The following TPST2 variants were observed in gnomAD, a reference collection of about 807,000 sequenced individuals.
TPST2 encodes tyrosylprotein sulfotransferase 2, also known as protein-tyrosine sulfotransferase 2.
TPST2 carries 16 observed loss-of-function variants against 27.8 expected under a neutral mutation model. That is an observed-to-expected ratio of 0.58 (90% CI 0.39 to 0.88). The LOEUF (loss-of-function observed/expected upper bound fraction) is 0.88, where lower values mean the gene tolerates loss of function less well. Ranked by LOEUF, TPST2 falls within the 40% of genes least tolerant of loss-of-function variation. The pLI, the probability that TPST2 is intolerant of heterozygous loss-of-function variation, is 0.00. For synonymous variants in TPST2, 229 were observed against 231.7 expected, an observed-to-expected ratio of 0.99 and a Z score of 0.10; for missense variants, 464 against 543.1, an observed-to-expected ratio of 0.85 and a Z score of 1.45.
intron 1 of TPST2, among the ~76,000 whole-genome samples, chr22:26,573,404 A>G (rs376360809): frequency 2.6e-5 from 4 of 152,324 alleles, no homozygotes; most frequent in East Asian, 3.9e-4. Flanking sequence ...CCGCCCCAAC[A>G]ATGCGGATTT....
intron 4 of TPST2, 130 bp downstream of exon 4, chr22:26,536,158 T>A (rs1376379205): frequency 1.6e-6 from 2 of 1,224,810 alleles, no homozygotes; most frequent in East Asian, 2.5e-5. Flanking sequence ...ACTGTGTCCA[T>A]CAGACAGGAA....
At chr22:26,575,188 C>A (rs1016239592) in intron 1 of TPST2, among the ~76,000 whole-genome samples, 2 of 152,114 alleles carry the variant, frequency 1.3e-5, no homozygotes, top group African/African-American at 2.4e-5. Flanking sequence ...ACAGCACTTC[C>A]CTGGAGGTTG....
At chr22:26,578,905 G>A (rs1179727283) in intron 1 of TPST2, among the ~76,000 whole-genome samples, 1 of 149,292 alleles carries the variant, frequency 6.7e-6, no homozygotes, top group Non-Finnish European at 1.5e-5. Flanking sequence ...AGGCTAGAGT[G>A]CAGTGGCGTG....
intron 4 of TPST2, 197 bp downstream of exon 4, chr22:26,536,091 G>T: frequency 1.3e-6 from 1 of 753,336 alleles, no homozygotes; most frequent in Non-Finnish European, 2.4e-6. Flanking sequence ...GCTACCAGTT[G>T]GCTTTGAGCT....
chr22:26,565,180 G>A (rs1927321150), intron 1 of TPST2: 1 of 152,494 alleles, frequency 6.6e-6, no homozygotes, highest in Non-Finnish European at 1.5e-5. Context: ...CAGCTGGTAA[G>A]TAGTAGAGAG....
rs773784167 is a variant in TPST2 at position 26,541,142 on chromosome 22, G to A, written c.489C>T (p.Leu163=). The A allele has an allele frequency of 6.2e-6, 10 of 1,607,306 alleles. No individual in the cohort carries two copies. The highest frequency in any genetic ancestry group is 1.3e-5 in the African/African-American group (1 of 74,986). The change falls in exon 3 of 7, where the codon CTC becomes CTT. Residue 163 remains leucine (L), a synonymous_variant. Coordinates refer to ENST00000338754, the MANE Select transcript of TPST2 (RefSeq NM_003595.5). This position sits in a 1 kb window ranked among gnomAD's most constrained non-coding sequence, Gnocchi z 5.9. ...GGCGCGACAGGTAGACCGAGGACTT[G>A]AGCGTAAATGGGTCCTTGTTGCAGA... is the stretch of plus-strand genomic sequence containing the variant. ...RVLCNKDPFT[L]KSSVYLSRLF...
intron 1 of TPST2, among the ~76,000 whole-genome samples, chr22:26,582,237 G>T (rs1460653538): frequency 6.6e-6 from 1 of 152,108 alleles, no homozygotes; most frequent in Admixed American, 6.6e-5. Context: ...GACCAGGCTG[G>T]CCAACACAGT....
intron 1 of TPST2, among the ~76,000 whole-genome samples, chr22:26,553,375 T>G (rs958530494): frequency 6.6e-6 from 1 of 151,866 alleles, no homozygotes; most frequent in African/African-American, 2.4e-5. Context: ...GGCAGTTTTT[T>G]TTTTTTTTTT....
rs1304734013 is a variant in TPST2, at chr22:26,556,303, C to A, written c.-160-11628G>T. On this transcript the variant is annotated intron_variant, in intron 1 of 6. Coordinates refer to ENST00000338754, the MANE Select transcript of TPST2 (RefSeq NM_003595.5). The stretch of plus-strand genomic sequence containing the variant: ...TCTATAATCCCAGCACCTTGGGAGG[C>A]CGAGGTGGGCGGATCACCTGAGGTC... Among the ~76,000 whole-genome samples, 12 of 152,162 alleles carry A rather than the reference C, an allele frequency of 7.9e-5. No homozygotes were observed. In the East Asian group the frequency reaches 1.9e-3, roughly 25 times the overall value.
At chr22:26,544,732 C>T in intron 1 of TPST2, 57 bp from the exon 2 acceptor site, 1 of 951,990 alleles carries the variant, frequency 1.1e-6, no homozygotes, top group South Asian at 4.9e-5. Context: ...AGGGGCCAAG[C>T]CTTCAAAGAG....
intron 1 of TPST2, among the ~76,000 whole-genome samples, chr22:26,562,086 G>A (rs1569190673): frequency 1.3e-5 from 2 of 152,238 alleles, no homozygotes; most frequent in African/African-American, 4.8e-5. Context: ...AGCCCACACA[G>A]CCTCAATCCA....
intron 1 of TPST2, among the ~76,000 whole-genome samples, chr22:26,545,055 T>TA: frequency 6.6e-6 from 1 of 152,116 alleles, no homozygotes; most frequent in Admixed American, 6.5e-5. Flanking sequence ...TACACACCAC[T>TA]ATTGCCACCT....
At chr22:26,535,463 T>C (rs1209307917) in intron 4 of TPST2, among the ~76,000 whole-genome samples, 1 of 152,030 alleles carries the variant, frequency 6.6e-6, no homozygotes, top group Non-Finnish European at 1.5e-5. Context: ...ACCCAGTGGG[T>C]GTTAGCCTAC....
At chr22:26,581,019 TACACACACACACACACAC>T (rs10540036) in intron 1 of TPST2, among the ~76,000 whole-genome samples, 3 of 120,242 alleles carry the variant, frequency 2.5e-5, no homozygotes, top group African/African-American at 8.0e-5. Context: ...TCAACATACA[TACACACACACACACACAC>T]ACACACACAC....
chr22:26,558,073 TTA>T (rs71702234), intron 1 of TPST2, among the ~76,000 whole-genome samples: 9,045 of 143,772 alleles, frequency 0.063, 403 homozygotes, highest in Non-Finnish European at 0.096. Context: ...TATATAAAAT[TTA>T]TATATATATA....
At position 26,549,880 on chromosome 22, in the gene TPST2, A is replaced by G. The variant is rs867916352; in HGVS notation, c.-160-5205T>C. 3.2e-3 allele frequency among the ~76,000 whole-genome samples: 472 copies of G among 148,988 alleles called. 6 individuals carry two copies. The highest frequency in any genetic ancestry group is 0.011 in the African/African-American group (458 of 40,386). On this transcript the variant is annotated intron_variant, in intron 1 of 6. Transcript: ENST00000338754. ...CCCCCTCTCTACTAAAAAAAAAAAA[A>G]AAAAAAAATTAGCCGGGTGTGGGGG...
chr22:26,536,493 A>C lies in TPST2; in HGVS notation c.843-7T>G, dbSNP rs1318233865. On this transcript the variant is annotated splice_region_variant and splice_polypyrimidine_tract_variant and intron_variant, in intron 3 of 6. Transcript: ENST00000338754. Reference sequence around the variant, plus strand: ...GTCCGTGGACCGCTCGATCCTGGGGAGAGAGGAGACGCTGGAGAGGGTAGG... The same window carrying C: ...GTCCGTGGACCGCTCGATCCTGGGGCGAGAGGAGACGCTGGAGAGGGTAGG... The C allele has an allele frequency of 6.6e-7, 1 of 1,512,432 alleles. No homozygotes were observed. Among genetic ancestry groups the C allele is most frequent in the African/African-American group, 1.4e-5 (1 of 71,684 alleles). The allele number at this position is 1,512,432 out of a possible 1,614,324, so 93.7% of individuals were successfully genotyped here.
intron 5 of TPST2, among the ~76,000 whole-genome samples, chr22:26,529,955 T>G (rs1602249100): frequency 1.3e-5 from 2 of 152,282 alleles, no homozygotes; most frequent in South Asian, 4.1e-4. Context: ...CCCACTCCCT[T>G]TGTGGGAATC....
At chr22:26,559,814 C>T (rs1448070845) in intron 1 of TPST2, among the ~76,000 whole-genome samples, 1 of 152,176 alleles carries the variant, frequency 6.6e-6, no homozygotes, top group African/African-American at 2.4e-5. Context: ...TGCAAACCCC[C>T]ACTTAACAGC....
Sources: gnomAD v4.1 joint callset for allele counts (sites outside exome capture counted in the v4.1 genomes callset) on GRCh38, gnomAD v4.1.1 for gene constraint, Gnocchi (gnomAD v3.1) non-coding constraint, MANE v1.5 for transcripts, NCBI Gene and HGNC (gene_info 2026-07-23, HGNC 2026-07-21) for gene names.